Variants in IQCB1 observed in about 807,000 individuals in gnomAD.
The protein encoded by IQCB1 is IQ motif containing B1.
Under a neutral mutation model 84.4 loss-of-function variants are expected in IQCB1, and 56 were observed. That is an observed-to-expected ratio of 0.66 (90% confidence interval 0.54 to 0.83). The LOEUF (loss-of-function observed/expected upper bound fraction) is 0.83. IQCB1 is among the 40% of genes least tolerant of loss of function. The pLI, the probability that IQCB1 is intolerant of heterozygous loss-of-function variation, is 0.00. For synonymous variants in IQCB1, 210 were observed against 234.8 expected (o/e 0.89, Z 0.96); for missense variants, 629 against 682.1 (o/e 0.92, Z 0.87).
At chr3:121,777,430 A>C (rs530786896) in intron 13 of IQCB1, among the ~76,000 whole-genome samples, 1 of 152,358 alleles carries the variant, frequency 6.6e-6, no homozygotes, top group Non-Finnish European at 1.5e-5. Context: ...ATTTTAATGC[A>C]ATGGTAAGTT....
At chr3:121,828,337 A>G (rs1950524483) in intron 4 of IQCB1, 133 bp downstream of exon 4, 6 of 743,534 alleles carry the variant, frequency 8.1e-6, no homozygotes, top group African/African-American at 3.6e-5. Flanking sequence ...TATAATATGA[A>G]GGAAAAGTAC....
At chr3:121,774,626 T>C (rs1186398637) in intron 13 of IQCB1, among the ~76,000 whole-genome samples, 2 of 152,154 alleles carry the variant, frequency 1.3e-5, no homozygotes, top group Non-Finnish European at 2.9e-5. Flanking sequence ...AACATGAACC[T>C]TGAAGACATT....
At chr3:121,830,490 A>G (rs1232140401) in intron 2 of IQCB1, among the ~76,000 whole-genome samples, 1 of 152,144 alleles carries the variant, frequency 6.6e-6, no homozygotes, top group Non-Finnish European at 1.5e-5. Flanking sequence ...GCTAACATGT[A>G]TCAACTGTTT....
intron 5 of IQCB1, among the ~76,000 whole-genome samples, chr3:121,812,989 A>G (rs1224944666): frequency 6.6e-6 from 1 of 152,174 alleles, no homozygotes; most frequent in Non-Finnish European, 1.5e-5. Flanking sequence ...GGTTGAAATG[A>G]AGGAAAAAAA....
At chr3:121,832,288 T>C (rs1273686166) in intron 2 of IQCB1, among the ~76,000 whole-genome samples, 1 of 151,980 alleles carries the variant, frequency 6.6e-6, no homozygotes, top group Non-Finnish European at 1.5e-5. Context: ...TCATTTATTT[T>C]TTTAAATTTG....
At chr3:121,792,967 A>AT (rs1363194557) in intron 10 of IQCB1, among the ~76,000 whole-genome samples, 3 of 152,192 alleles carry the variant, frequency 2.0e-5, no homozygotes, top group Non-Finnish European at 2.9e-5. Context: ...GACTGATCAG[A>AT]TGTCATATTC....
At chr3:121,795,589 G>A in intron 9 of IQCB1, 23 bp from the exon 10 acceptor site, 5 of 1,374,442 alleles carry the variant, frequency 3.6e-6, no homozygotes, top group Non-Finnish European at 5.2e-6. Context: ...AAATAATTTA[G>A]AGATATCTCT....
At position 121,772,540 on chromosome 3, in the gene IQCB1, G is replaced by A. The variant is rs755591653; in HGVS notation, c.1567+17C>T. On this transcript the variant is annotated intron_variant, in intron 14 of 14. Coordinates refer to ENST00000310864, the MANE Select transcript of IQCB1 (RefSeq NM_001023570.4). ...AGGTTGTTCCTTTTAGAGAACGAAA[G>A]TAAAATGAGCACATACTCATTAGCT... 52 of 1,613,862 alleles carry A rather than the reference G, an allele frequency of 3.2e-5. No individual in the cohort carries two copies. The highest frequency in any genetic ancestry group is 4.0e-5 in the Non-Finnish European group (47 of 1,179,816).
intron 14 of IQCB1, among the ~76,000 whole-genome samples, chr3:121,771,251 C>A (rs540562870): frequency 2.6e-5 from 4 of 152,056 alleles, no homozygotes; most frequent in Admixed American, 6.5e-5. Flanking sequence ...GGATTACAGG[C>A]GTGAGCCACC....
At chr3:121,820,774 A>T (rs1950243308) in intron 5 of IQCB1, among the ~76,000 whole-genome samples, 1 of 151,804 alleles carries the variant, frequency 6.6e-6, no homozygotes, top group Admixed American at 6.6e-5. Context: ...ATATTCTTAC[A>T]ATTTTTTTCT....
chr3:121,790,869 CTATT>C (rs1170618174), intron 10 of IQCB1, among the ~76,000 whole-genome samples: 1 of 152,018 alleles, frequency 6.6e-6, no homozygotes, highest in Admixed American at 6.6e-5. Flanking sequence ...CTTCTTATGC[CTATT>C]TCTCAATTAT....
chr3:121,777,119 G>A (rs1324874389), intron 13 of IQCB1, among the ~76,000 whole-genome samples: 1 of 152,134 alleles, frequency 6.6e-6, no homozygotes, highest in African/African-American at 2.4e-5. Flanking sequence ...TTTGCATTTA[G>A]GCCTATGATC....
chr3:121,799,203 GC>G lies in IQCB1; in HGVS notation c.758del (p.Cys253SerfsTer9), dbSNP rs770441610. On this transcript the variant is annotated frameshift_variant, in exon 8 of 15. Transcript: ENST00000310864. LOFTEE classifies it high-confidence loss of function. ...EILILLRQST[C>X]YKGLRRLLSK... ...AAAGAATGAATGTACTACCTTTGTA[GC>G]AGGTACTTTGTCTCAGTAAAATCAA... The G allele has an allele frequency of 1.7e-5, 28 of 1,604,822 alleles. No individual in the cohort carries two copies. The highest frequency in any genetic ancestry group is 2.4e-5 in the Non-Finnish European group (28 of 1,173,756).
chr3:121,782,019 T>G (rs1171097644), intron 12 of IQCB1, 145 bp from the exon 13 acceptor site: 1 of 790,002 alleles, frequency 1.3e-6, no homozygotes, highest in African/African-American at 1.7e-5. Flanking sequence ...TGTGACAAAA[T>G]GCAGGAGAAC....
At chr3:121,796,524 T>A (rs1388109538) in intron 9 of IQCB1, among the ~76,000 whole-genome samples, 1 of 152,132 alleles carries the variant, frequency 6.6e-6, no homozygotes, top group South Asian at 2.1e-4. Context: ...AAATAATCAA[T>A]AACTTGCTGC....
chr3:121,805,080 G>A (rs1411872542), intron 7 of IQCB1, among the ~76,000 whole-genome samples: 1 of 152,126 alleles, frequency 6.6e-6, no homozygotes, highest in Non-Finnish European at 1.5e-5. Flanking sequence ...TAAATATATG[G>A]AGTATGGTTA....
intron 7 of IQCB1, among the ~76,000 whole-genome samples, chr3:121,799,795 A>G (rs537215076): frequency 6.6e-6 from 1 of 152,048 alleles, no homozygotes; most frequent in East Asian, 1.9e-4. Flanking sequence ...GAATTCTATC[A>G]TGTGCTTAAT....
intron 10 of IQCB1, among the ~76,000 whole-genome samples, chr3:121,792,502 T>G (rs11708697): frequency 7.3e-6 from 1 of 137,284 alleles, no homozygotes; most frequent in African/African-American, 2.8e-5. Context: ...TACTAAAAAA[T>G]AACAAAAAAA....
At chr3:121,813,384 C>T (rs542298850) in intron 5 of IQCB1, among the ~76,000 whole-genome samples, 242 of 152,254 alleles carry the variant, frequency 1.6e-3, no homozygotes, top group Non-Finnish European at 2.8e-3. Flanking sequence ...AAATAACCAG[C>T]CAGCATCATA....
Sources: gnomAD v4.1 joint callset for allele counts (sites outside exome capture counted in the v4.1 genomes callset) on GRCh38, gnomAD v4.1.1 for gene constraint, MANE v1.5 for transcripts, NCBI Gene and HGNC (gene_info 2026-07-23, HGNC 2026-07-21) for gene names.